ITGA8: variants seen among roughly 807,000 people sequenced by gnomAD.
ITGA8 encodes the protein integrin subunit alpha 8, also known as integrin alpha-8.
In ITGA8, 91 loss-of-function variants were observed where a neutral mutation model predicts 142.3. The observed-to-expected ratio is 0.64, with a 90% confidence interval of 0.54 to 0.76. The LOEUF (loss-of-function observed/expected upper bound fraction) is 0.76. ITGA8 is among the 30% of genes least tolerant of loss of function. The pLI is 0.00. For missense variants in ITGA8, 1,406 were observed against 1,327.7 expected (o/e 1.06, Z -0.92); for synonymous variants, 505 against 485.2 (o/e 1.04, Z -0.54).
intron 26 of ITGA8, among the ~76,000 whole-genome samples, chr10:15,551,568 T>G (rs1258554378): frequency 6.6e-6 from 1 of 152,014 alleles, no homozygotes; most frequent in Non-Finnish European, 1.5e-5. Flanking sequence ...GGGCCCACTA[T>G]GAGAAAGGGA....
chr10:15,626,357 A>G lies in ITGA8; in HGVS notation c.1400-9798T>C, dbSNP rs1019435653. 3.3e-5 allele frequency among the ~76,000 whole-genome samples: 5 copies of G among 152,136 alleles called. No individual in the cohort carries two copies. In the South Asian group the frequency reaches 6.2e-4, roughly 19 times the overall value. On this transcript the variant is annotated intron_variant, in intron 13 of 29. Coordinates refer to ENST00000378076, the MANE Select transcript of ITGA8 (RefSeq NM_003638.3). ...TGCCTTAGCCTCCTGAGCAGCTGGG[A>G]TTATAGGCACTCACCACCATGCCTG...
chr10:15,610,066 C>A (rs1833264601), intron 15 of ITGA8, among the ~76,000 whole-genome samples: 1 of 152,068 alleles, frequency 6.6e-6, no homozygotes, highest in Admixed American at 6.6e-5. Flanking sequence ...TTCTGAATAT[C>A]ATTACCAAAT....
chr10:15,621,169 CTT>C (rs11417286), intron 13 of ITGA8, among the ~76,000 whole-genome samples: 2 of 142,740 alleles, frequency 1.4e-5, no homozygotes, highest in African/African-American at 2.5e-5. Flanking sequence ...CTTAAGCTGG[CTT>C]TTTTTTTTTT....
At chr10:15,575,298 G>T (rs1216175416) in intron 24 of ITGA8, among the ~76,000 whole-genome samples, 191 bp downstream of exon 24, 1 of 152,188 alleles carries the variant, frequency 6.6e-6, no homozygotes. Flanking sequence ...GCTGAGATGG[G>T]AGGATTGTTT....
At chr10:15,556,949 T>C (rs567974753) in intron 26 of ITGA8, among the ~76,000 whole-genome samples, 22 of 152,352 alleles carry the variant, frequency 1.4e-4, no homozygotes, top group Admixed American at 1.2e-3. Flanking sequence ...TTTATGGACA[T>C]GGTCTACAGA....
In ITGA8 at chr10:15,659,036, G is replaced by A. The variant is rs148965352; in HGVS notation, c.911C>T (p.Thr304Met). 1,058 of 1,605,696 alleles carry A rather than the reference G, an allele frequency of 6.6e-4. 1 individual carries two copies. Among genetic ancestry groups the A allele is most frequent in the Non-Finnish European group, 8.7e-4 (1,024 of 1,174,636 alleles). ...NFGYVSIINS[T>M]DMTFIQNFTG... ...GAAATTCTGAATAAACGTCATATCC[G>A]TAGAGTTAATGATGGAAACCTGAAA... is the stretch of plus-strand genomic sequence containing the variant. The change falls in exon 10 of 30, where the codon ACG (threonine) becomes ATG (methionine). Residue 304 changes from threonine to methionine, a missense_variant. Physicochemically the swap from Thr to Met is moderately conservative, Grantham distance 81 (BLOSUM62 -1). Transcript: ENST00000378076.
intron 13 of ITGA8, among the ~76,000 whole-genome samples, chr10:15,637,478 T>C (rs543006789): frequency 3.3e-5 from 5 of 152,028 alleles, no homozygotes; most frequent in African/African-American, 1.2e-4. Flanking sequence ...CCGATTTTCC[T>C]TCCCCTGTTC....
Position 15,548,554 on chromosome 10 carries a change from G to A in ITGA8, c.2781C>T (p.Ile927=). 4 of 1,609,906 alleles carry A rather than the reference G, an allele frequency of 2.5e-6. No homozygotes were observed. The highest frequency in any genetic ancestry group is 3.4e-6 in the Non-Finnish European group (4 of 1,177,794). Residue 927 remains isoleucine, a synonymous_variant, in exon 27 of 30, where the codon ATC becomes ATT. Coordinates refer to ENST00000378076, the MANE Select transcript of ITGA8 (RefSeq NM_003638.3). ...CTGCACAGGAGATTTGTAAACACTC[G>A]ATATTTGTACAATTCTGCAAACAGC... ...SPAKILNCTN[I]ECLQISCAVG...
chr10:15,700,199 C>T (rs1362596854), intron 2 of ITGA8, among the ~76,000 whole-genome samples: 1 of 152,124 alleles, frequency 6.6e-6, no homozygotes, highest in Non-Finnish European at 1.5e-5. Flanking sequence ...AAGCCACTTG[C>T]CCCCACAGCA....
intron 23 of ITGA8, among the ~76,000 whole-genome samples, chr10:15,580,157 A>T (rs1028143429): frequency 4.7e-5 from 7 of 150,192 alleles, no homozygotes; most frequent in Non-Finnish European, 1.0e-4. Context: ...AGAGAAAAGG[A>T]GAAGATATAA....
chr10:15,701,284 G>C (rs1398348706), intron 2 of ITGA8, among the ~76,000 whole-genome samples: 1 of 152,142 alleles, frequency 6.6e-6, no homozygotes, highest in Non-Finnish European at 1.5e-5. Flanking sequence ...ATATTTTCAT[G>C]GAGTATATTT....
intron 11 of ITGA8, among the ~76,000 whole-genome samples, chr10:15,648,563 A>T (rs1254297121): frequency 6.6e-6 from 1 of 151,608 alleles, no homozygotes; most frequent in African/African-American, 2.4e-5. Context: ...CATAAAATCA[A>T]TAATATGTAT....
Position 15,668,286 on chromosome 10 carries a change from T to C in ITGA8, c.847+3317A>G, listed in dbSNP as rs534949397. Among the ~76,000 whole-genome samples the C allele has an allele frequency of 2.9e-3, 443 of 151,688 alleles. 5 individuals carry two copies. The highest frequency in any genetic ancestry group is 0.01 in the African/African-American group (426 of 41,384). ...TATCATTATGTAATGGCCTTCTTTGTCTCTTTTGATCTTTGTTGGTTTAAA... is the reference window on the plus strand; with the variant it reads ...TATCATTATGTAATGGCCTTCTTTGCCTCTTTTGATCTTTGTTGGTTTAAA... On this transcript the variant is annotated intron_variant, in intron 8 of 29. Coordinates refer to ENST00000378076, the MANE Select transcript of ITGA8 (RefSeq NM_003638.3).
intron 25 of ITGA8, among the ~76,000 whole-genome samples, chr10:15,562,469 C>T (rs949207876): frequency 6.6e-6 from 1 of 152,054 alleles, no homozygotes; most frequent in Non-Finnish European, 1.5e-5. Context: ...CTTGTAAAAG[C>T]GTGTTTCAAG....
chr10:15,665,283 T>C (rs567160153), intron 8 of ITGA8, among the ~76,000 whole-genome samples: 7 of 152,330 alleles, frequency 4.6e-5, no homozygotes, highest in Non-Finnish European at 1.0e-4. Context: ...TGAGCATTTT[T>C]TCATGTGTTT....
At chr10:15,697,482 A>G (rs1450780736) in intron 2 of ITGA8, among the ~76,000 whole-genome samples, 12 of 152,228 alleles carry the variant, frequency 7.9e-5, no homozygotes, top group Non-Finnish European at 1.3e-4. Context: ...GTTTCTGGCC[A>G]TTTGAAAAAT....
At position 15,575,484 on chromosome 10, in the gene ITGA8, G is replaced by A. The variant is rs112591041; in HGVS notation, c.2478+5C>T. The A allele has an allele frequency of 7.2e-4, 1,154 of 1,598,706 alleles. 8 individuals are homozygous for A. In the African/African-American group the frequency reaches 0.014, roughly 19 times the overall value. On this transcript the variant is annotated splice_donor_5th_base_variant and intron_variant, in intron 24 of 29. Coordinates refer to ENST00000378076, the MANE Select transcript of ITGA8 (RefSeq NM_003638.3). Reference sequence around the variant, plus strand: ...TAACACAACTTTAACACAGACAATGGCTACCTCATAAATATGTTCCACCAA... The same window carrying A: ...TAACACAACTTTAACACAGACAATGACTACCTCATAAATATGTTCCACCAA...
intron 8 of ITGA8, 126 bp downstream of exon 8, chr10:15,671,477 C>A: frequency 1.4e-6 from 1 of 739,552 alleles, no homozygotes; most frequent in South Asian, 1.6e-5. Context: ...AGTATAGGCA[C>A]TCTGGGACTC....
chr10:15,579,084 G>A (rs932278330), intron 23 of ITGA8, among the ~76,000 whole-genome samples: 2 of 152,028 alleles, frequency 1.3e-5, no homozygotes, highest in South Asian at 2.1e-4. Context: ...ATAAAGTTCC[G>A]GGAGACGGAA....
Sources: gnomAD v4.1 joint callset for allele counts (sites outside exome capture counted in the v4.1 genomes callset) on GRCh38, gnomAD v4.1.1 for gene constraint, MANE v1.5 for transcripts, NCBI Gene and HGNC (gene_info 2026-07-23, HGNC 2026-07-21) for gene names.